The following NCKAP5 variants were observed in gnomAD, a reference collection of about 807,000 sequenced individuals.
NCKAP5 encodes the protein NCK associated protein 5.
NCKAP5 carries 92 observed loss-of-function variants against 167.0 expected under a neutral mutation model. The observed-to-expected ratio is 0.55, with a 90% CI of 0.47 to 0.66. NCKAP5 has a LOEUF of 0.66. NCKAP5 is among the 30% of genes least tolerant of loss of function. The pLI, the probability that NCKAP5 is intolerant of heterozygous loss-of-function variation, is 0.00. For missense variants in NCKAP5, 2,378 were observed against 2,315.0 expected, an observed-to-expected ratio of 1.03 and a Z score of -0.56; for synonymous variants, 891 against 877.4, an observed-to-expected ratio of 1.02 and a Z score of -0.27.
chr2:132,920,715 ATATG>A (rs1339598262), intron 8 of NCKAP5, among the ~76,000 whole-genome samples: 21 of 97,862 alleles, frequency 2.1e-4, no homozygotes, highest in African/African-American at 9.2e-4. Flanking sequence ...ATATGTATAT[ATATG>A]TATATATATA....
Position 132,756,770 on chromosome 2 carries a change from G to A in NCKAP5, c.5128+17046C>T, listed in dbSNP as rs377039232. On this transcript the variant is annotated intron_variant, in intron 16 of 19. Coordinates refer to ENST00000409261, the MANE Select transcript of NCKAP5 (RefSeq NM_207363.3). ...CGACACATTCATTTGGAAGCAGGGC[G>A]GCCAATGCCCACTCCAAATATGTTC... is the stretch of plus-strand genomic sequence containing the variant. Among the ~76,000 whole-genome samples the A allele has an allele frequency of 2.1e-4, 32 of 152,244 alleles. No individual in the cohort carries two copies. The East Asian group carries it at 4.1e-3, about 19-fold the overall frequency.
intron 3 of NCKAP5, among the ~76,000 whole-genome samples, chr2:133,436,985 T>C (rs991754321): frequency 3.9e-5 from 6 of 152,092 alleles, no homozygotes; most frequent in Middle Eastern, 3.2e-3. Flanking sequence ...GTCAGTAACA[T>C]TGTCGTATTT....
rs11899994 is a variant in NCKAP5, at chr2:133,306,908, C to T, written c.70-3798G>A. Among the ~76,000 whole-genome samples the T allele has an allele frequency of 3.5e-3, 526 of 152,284 alleles. 2 individuals carry two copies. The highest frequency in any genetic ancestry group is 0.012 in the African/African-American group (480 of 41,574). On this transcript the variant is annotated intron_variant, in intron 3 of 19. Transcript: ENST00000409261. Reference sequence around the variant, plus strand: ...TCTACAGTATAAGTCAATTAGTGTACGTATCATTCAGTTAGTGAAGAGCAA... The same window carrying T: ...TCTACAGTATAAGTCAATTAGTGTATGTATCATTCAGTTAGTGAAGAGCAA...
intron 11 of NCKAP5, among the ~76,000 whole-genome samples, chr2:132,858,371 G>A (rs909819202): frequency 5.3e-5 from 8 of 152,158 alleles, no homozygotes; most frequent in Non-Finnish European, 1.0e-4. Context: ...TAACTCTCCA[G>A]AACAATGAAT....
chr2:133,095,254 A>C (rs1447070841), intron 6 of NCKAP5, among the ~76,000 whole-genome samples: 3 of 152,236 alleles, frequency 2.0e-5, no homozygotes, highest in African/African-American at 7.2e-5. Flanking sequence ...TATGTGAATT[A>C]ATTCATTCCT....
At chr2:132,757,211 CT>C (rs1680624222) in intron 16 of NCKAP5, among the ~76,000 whole-genome samples, 1 of 152,196 alleles carries the variant, frequency 6.6e-6, no homozygotes, top group Non-Finnish European at 1.5e-5. Flanking sequence ...GGAGCAGACA[CT>C]GTACCAGCGA....
intron 7 of NCKAP5, among the ~76,000 whole-genome samples, chr2:132,964,986 A>G (rs1158485020): frequency 6.6e-6 from 1 of 152,196 alleles, no homozygotes; most frequent in East Asian, 1.9e-4. Flanking sequence ...ATTATGAATT[A>G]TGTAAAAATA....
intron 7 of NCKAP5, among the ~76,000 whole-genome samples, chr2:132,980,001 T>A (rs1573622239): frequency 6.6e-6 from 1 of 150,512 alleles, no homozygotes; most frequent in African/African-American, 2.4e-5. Flanking sequence ...TTTTTCTTTT[T>A]TTTTTTTTTT....
At chr2:132,916,213 C>T (rs1694863638) in intron 8 of NCKAP5, among the ~76,000 whole-genome samples, 1 of 151,864 alleles carries the variant, frequency 6.6e-6, no homozygotes, top group Non-Finnish European at 1.5e-5. Context: ...TTGGGATAGG[C>T]AGGGGACCCA....
chr2:133,245,766 T>C (rs530815100), intron 4 of NCKAP5, among the ~76,000 whole-genome samples: 2 of 152,118 alleles, frequency 1.3e-5, no homozygotes, highest in Non-Finnish European at 2.9e-5. Flanking sequence ...CAGCACATAT[T>C]CAGCAAATTC....
chr2:133,398,109 C>T (rs1458076573), intron 3 of NCKAP5, among the ~76,000 whole-genome samples: 1 of 151,994 alleles, frequency 6.6e-6, no homozygotes, highest in Non-Finnish European at 1.5e-5. Flanking sequence ...AACGTACTGC[C>T]CTGGTGCTAC....
the NCKAP5 span, among the ~76,000 whole-genome samples, chr2:133,599,657 G>T: frequency 6.6e-6 from 1 of 152,314 alleles, no homozygotes; most frequent in South Asian, 2.1e-4. Context: ...CTGAAAAGAA[G>T]AGACTGATGG....
At chr2:132,716,266 A>G (rs1689361311) in intron 19 of NCKAP5, among the ~76,000 whole-genome samples, 2 of 152,048 alleles carry the variant, frequency 1.3e-5, no homozygotes, top group Non-Finnish European at 2.9e-5. Flanking sequence ...TTGTCTTGGA[A>G]ACCACTCTTC....
At chr2:133,479,114 ATC>A (rs1417011094) in intron 3 of NCKAP5, among the ~76,000 whole-genome samples, 1 of 152,206 alleles carries the variant, frequency 6.6e-6, no homozygotes, top group Non-Finnish European at 1.5e-5. Context: ...GATTTTTAAC[ATC>A]TGAGTTTGTA....
chr2:133,592,012 A>G, the NCKAP5 span, among the ~76,000 whole-genome samples: 1 of 152,122 alleles, frequency 6.6e-6, no homozygotes, highest in East Asian at 1.9e-4. Flanking sequence ...AATCACTTAC[A>G]CACAAATGCA....
intron 2 of NCKAP5, among the ~76,000 whole-genome samples, chr2:133,526,234 AAGGAGGGAGG>A (rs1558755420): frequency 4.1e-5 from 4 of 96,922 alleles, no homozygotes; most frequent in African/African-American, 8.2e-5. Flanking sequence ...GAAGAAAGGA[AAGGAGGGAGG>A]GAAGGAGGGA....
chr2:133,437,343 ACT>A (rs148045906), intron 3 of NCKAP5, among the ~76,000 whole-genome samples: 14,671 of 150,804 alleles, frequency 0.097, 1,331 homozygotes, highest in East Asian at 0.25. Context: ...ACAGTGCGAG[ACT>A]CTGTCTCAAA....
intron 6 of NCKAP5, among the ~76,000 whole-genome samples, chr2:133,121,610 C>T (rs2082253959): frequency 6.6e-6 from 1 of 152,146 alleles, no homozygotes; most frequent in South Asian, 2.1e-4. Context: ...TATGAAGCAA[C>T]TAGAGCTCCT....
intron 6 of NCKAP5, among the ~76,000 whole-genome samples, chr2:133,119,312 C>T (rs1357473955): frequency 2.0e-5 from 3 of 151,966 alleles, no homozygotes; most frequent in African/African-American, 7.3e-5. Context: ...CCCAGTTTTC[C>T]TTTTAATTTG....
Sources: gnomAD v4.1 joint callset for allele counts (sites outside exome capture counted in the v4.1 genomes callset) on GRCh38, gnomAD v4.1.1 for gene constraint, MANE v1.5 for transcripts, NCBI Gene and HGNC (gene_info 2026-07-23, HGNC 2026-07-21) for gene names.